CYRIA: variants seen among roughly 807,000 people sequenced by gnomAD.
CYRIA encodes CYFIP related Rac1 interactor A, also known as CYFIP-related Rac1 interactor A.
Under a neutral mutation model 43.9 loss-of-function variants are expected in CYRIA, and 15 were observed. The observed-to-expected ratio is 0.34, with a 90% CI of 0.23 to 0.53. The LOEUF (loss-of-function observed/expected upper bound fraction) is 0.53, where lower values mean the gene tolerates loss of function less well. CYRIA is among the 20% of genes least tolerant of loss of function. The pLI is 0.94. For missense variants in CYRIA, 236 were observed against 394.2 expected (o/e 0.60, Z 3.40); for synonymous variants, 117 against 136.0 (o/e 0.86, Z 0.97).
At chr2:16,632,424 T>C (rs1572191083) in intron 1 of CYRIA, among the ~76,000 whole-genome samples, 1 of 152,098 alleles carries the variant, frequency 6.6e-6, no homozygotes, top group African/African-American at 2.4e-5. Flanking sequence ...ACCTTACCAA[T>C]TCCTGTCTGT....
intron 1 of CYRIA, among the ~76,000 whole-genome samples, chr2:16,654,382 G>A (rs2216483): frequency 6.6e-6 from 1 of 152,180 alleles, no homozygotes; most frequent in Non-Finnish European, 1.5e-5. Flanking sequence ...TTTACATTAA[G>A]GTAGGGCGTG....
intron 10 of CYRIA, 63 bp downstream of exon 10, chr2:16,559,397 A>G: frequency 6.4e-7 from 1 of 1,569,992 alleles, no homozygotes; most frequent in Non-Finnish European, 8.6e-7. Flanking sequence ...TGAGGAAGAA[A>G]AACAAGGTCT....
chr2:16,559,043 G>C (rs1025031829), intron 10 of CYRIA, among the ~76,000 whole-genome samples: 1 of 152,178 alleles, frequency 6.6e-6, no homozygotes, highest in African/African-American at 2.4e-5. Flanking sequence ...GCAACAGGTA[G>C]TGGTGGGAGA....
At chr2:16,565,387 T>C (rs1178389697) in intron 4 of CYRIA, among the ~76,000 whole-genome samples, 5 of 152,146 alleles carry the variant, frequency 3.3e-5, no homozygotes, top group East Asian at 1.9e-4. Context: ...GGTTTCACCA[T>C]GTTGGCCAGC....
intron 1 of CYRIA, among the ~76,000 whole-genome samples, chr2:16,664,224 G>A (rs1277272823): frequency 2.7e-4 from 41 of 152,122 alleles, no homozygotes; most frequent in Non-Finnish European, 5.9e-5. Context: ...GGGAATGTGG[G>A]CAGGTCTGTT....
intron 3 of CYRIA, among the ~76,000 whole-genome samples, chr2:16,575,521 G>C (rs1667300697): frequency 6.6e-6 from 1 of 152,082 alleles, no homozygotes. Context: ...GGCTGTTCTT[G>C]TGATAGTGAA....
chr2:16,609,280 G>GA (rs1317613339), intron 2 of CYRIA, among the ~76,000 whole-genome samples: 1 of 152,162 alleles, frequency 6.6e-6, no homozygotes, highest in Non-Finnish European at 1.5e-5. Context: ...ACACAAGGGG[G>GA]ACCCCTGGGG....
At chr2:16,625,874 T>C (rs1669146914) in intron 1 of CYRIA, 1 of 151,690 alleles carries the variant, frequency 6.6e-6, no homozygotes, top group South Asian at 2.1e-4. Context: ...ATTGAACCCA[T>C]TTTCAGTGTG....
chr2:16,663,911 CG>C (rs1670326531), intron 1 of CYRIA, among the ~76,000 whole-genome samples: 1 of 152,096 alleles, frequency 6.6e-6, no homozygotes, highest in Non-Finnish European at 1.5e-5. Flanking sequence ...AACAGAGATG[CG>C]TGTATGTCAG....
chr2:16,662,976 G>A (rs1013046981), intron 1 of CYRIA, among the ~76,000 whole-genome samples: 1 of 152,208 alleles, frequency 6.6e-6, no homozygotes, highest in African/African-American at 2.4e-5. Context: ...GTACAAAGCA[G>A]ATACTCAATA....
At chr2:16,630,085 C>T (rs1404945486) in intron 1 of CYRIA, among the ~76,000 whole-genome samples, 2 of 152,184 alleles carry the variant, frequency 1.3e-5, no homozygotes, top group Non-Finnish European at 2.9e-5. Context: ...ATTCACTGAG[C>T]ATTGACTGTG....
chr2:16,615,746 A>T (rs1668760676), intron 2 of CYRIA, among the ~76,000 whole-genome samples: 1 of 152,260 alleles, frequency 6.6e-6, no homozygotes, highest in Admixed American at 6.5e-5. Context: ...ATGCAAAAGC[A>T]GAGAACAGTC....
At chr2:16,615,926 G>A (rs182777245) in intron 2 of CYRIA, among the ~76,000 whole-genome samples, 83 of 152,340 alleles carry the variant, frequency 5.4e-4, no homozygotes, top group Admixed American at 1.2e-3. Context: ...CAGGCCCAGG[G>A]TTGGCATGGC....
chr2:16,600,245 G>T (rs1402707708), intron 2 of CYRIA, among the ~76,000 whole-genome samples: 1 of 152,190 alleles, frequency 6.6e-6, no homozygotes, highest in African/African-American at 2.4e-5. Flanking sequence ...CTGAAGTCGG[G>T]GACTTGGGGT....
Position 16,658,761 on chromosome 2 carries a change from A to G in CYRIA, c.-167+7019T>C, listed in dbSNP as rs181555273. On this transcript the variant is annotated intron_variant, in intron 1 of 11. Coordinates refer to ENST00000381323, the MANE Select transcript of CYRIA (RefSeq NM_030797.4). ...CTTCCTTTTCTTTTCTCTTCATTCC[A>G]TCCATCTACCTAGCTATCTAATCCC... is the stretch of plus-strand genomic sequence containing the variant. Among the ~76,000 whole-genome samples the G allele has an allele frequency of 8.9e-5, 13 of 146,020 alleles. 1 individual carries two copies. The South Asian group carries it at 1.5e-3, about 17-fold the overall frequency.
intron 1 of CYRIA, among the ~76,000 whole-genome samples, chr2:16,631,457 C>T (rs1431448567): frequency 1.3e-5 from 2 of 152,180 alleles, no homozygotes; most frequent in Non-Finnish European, 2.9e-5. Flanking sequence ...CATACTGATG[C>T]TTCTAAATTT....
chr2:16,564,203 AT>A, intron 4 of CYRIA, 109 bp from the exon 5 acceptor site: 1 of 777,552 alleles, frequency 1.3e-6, no homozygotes, highest in Non-Finnish European at 2.0e-6. Context: ...TTGCTGATGT[AT>A]ACTACTTAAA....
intron 2 of CYRIA, among the ~76,000 whole-genome samples, chr2:16,612,668 A>C (rs1390301902): frequency 6.6e-6 from 1 of 152,210 alleles, no homozygotes; most frequent in African/African-American, 2.4e-5. Context: ...CTGGCCTCTG[A>C]AGCAGCCAAT....
chr2:16,612,710 C>A (rs1289494134), intron 2 of CYRIA, among the ~76,000 whole-genome samples: 1 of 152,150 alleles, frequency 6.6e-6, no homozygotes, highest in African/African-American at 2.4e-5. Flanking sequence ...CGTGAGAAGT[C>A]CAACTTCAAG....
Sources: gnomAD v4.1 joint callset for allele counts (sites outside exome capture counted in the v4.1 genomes callset) on GRCh38, gnomAD v4.1.1 for gene constraint, MANE v1.5 for transcripts, NCBI Gene and HGNC (gene_info 2026-07-23, HGNC 2026-07-21) for gene names.